The following ASTN2 variants were observed in gnomAD, a reference collection of about 807,000 sequenced individuals.
ASTN2 encodes astrotactin 2, also known as astrotactin-2.
Under a neutral mutation model 139.8 loss-of-function variants are expected in ASTN2, and 54 were observed. The ratio of observed to expected loss-of-function variants is 0.39; its 90% confidence interval spans 0.31 to 0.48. ASTN2 has a LOEUF of 0.48. ASTN2 is among the 20% of genes least tolerant of loss of function. The pLI is 0.95. For synonymous variants in ASTN2, 756 were observed against 719.5 expected (o/e 1.05, Z -0.81); for missense variants, 1,565 against 1,725.1 (o/e 0.91, Z 1.64).
In ASTN2 at chr9:116,424,204, A is replaced by C. The variant is rs10983149; in HGVS notation, c.*1647T>G. 0.2 allele frequency among the ~76,000 whole-genome samples: 30,798 copies of C among 152,088 alleles called. 3,186 individuals carry two copies. Among genetic ancestry groups the C allele is most frequent in the Middle Eastern group, 0.26 (77 of 294 alleles). ...TAAAAGGATATTTCAATGATACCTC[A>C]ATAAAGCTGTTTTAAAAATAGATAA... is the stretch of plus-strand genomic sequence containing the variant. On this transcript the variant is annotated 3_prime_UTR_variant, in exon 23 of 23. Coordinates refer to ENST00000313400, the MANE Select transcript of ASTN2 (RefSeq NM_001365068.1).
In ASTN2 at chr9:117,348,031, C is replaced by G. The variant is rs1037568851; in HGVS notation, c.443-56518G>C. Among the ~76,000 whole-genome samples, 8 of 152,152 alleles carry G rather than the reference C, an allele frequency of 5.3e-5. 1 individual carries two copies. The highest frequency in any genetic ancestry group is 6.5e-5 in the Admixed American group (1 of 15,272). ...AAGAAGATTACACTTAACTTACATT[C>G]TCATTATTTTTAATATTTGCAACCA... is the stretch of plus-strand genomic sequence containing the variant. On this transcript the variant is annotated intron_variant, in intron 1 of 22. Transcript: ENST00000313400.
At chr9:116,948,785 G>GTTTTTTTTTTTTGTTT (rs1835471789) in intron 10 of ASTN2, among the ~76,000 whole-genome samples, 1 of 49,472 alleles carries the variant, frequency 2.0e-5, no homozygotes, top group Admixed American at 3.8e-4. Context: ...ATAATTTGGT[G>GTTTTTTTTTTTTGTTT]TTTTTTTTTT....
chr9:116,541,498 C>G (rs1436099448), intron 19 of ASTN2, among the ~76,000 whole-genome samples: 2 of 152,172 alleles, frequency 1.3e-5, no homozygotes, highest in African/African-American at 4.8e-5. Context: ...TTGCTTTAAT[C>G]ATAGTTAATT....
At chr9:116,589,907 T>C (rs1277120206) in intron 19 of ASTN2, among the ~76,000 whole-genome samples, 3 of 152,178 alleles carry the variant, frequency 2.0e-5, no homozygotes, top group African/African-American at 7.2e-5. Context: ...ATCAGAACCT[T>C]CCACCCATTT....
At chr9:117,395,422 C>G (rs1238444341) in intron 1 of ASTN2, among the ~76,000 whole-genome samples, 1 of 152,138 alleles carries the variant, frequency 6.6e-6, no homozygotes, top group Non-Finnish European at 1.5e-5. Context: ...CGAGACATCC[C>G]CAAAATAGGT....
At chr9:116,569,863 A>T (rs1853422281) in intron 19 of ASTN2, among the ~76,000 whole-genome samples, 1 of 152,204 alleles carries the variant, frequency 6.6e-6, no homozygotes, top group African/African-American at 2.4e-5. Flanking sequence ...TGGGGAAATG[A>T]CCAGCAAGTT....
chr9:117,294,975 A>T (rs1834692828), intron 1 of ASTN2, among the ~76,000 whole-genome samples: 1 of 152,180 alleles, frequency 6.6e-6, no homozygotes, highest in South Asian at 2.1e-4. Flanking sequence ...CTTCACACAC[A>T]TCCAACCTTT....
intron 13 of ASTN2, among the ~76,000 whole-genome samples, chr9:116,776,251 A>G (rs1830086539): frequency 6.6e-6 from 1 of 152,210 alleles, no homozygotes. Flanking sequence ...TTGTAAAGGA[A>G]GGGTTTTAGG....
At chr9:116,718,799 C>A (rs1017723357) in intron 16 of ASTN2, among the ~76,000 whole-genome samples, 1 of 151,790 alleles carries the variant, frequency 6.6e-6, no homozygotes, top group Non-Finnish European at 1.5e-5. Flanking sequence ...CATTGGCTCT[C>A]CCACTTCTCA....
At chr9:117,175,806 TA>T (rs1830901666) in intron 3 of ASTN2, among the ~76,000 whole-genome samples, 1 of 152,040 alleles carries the variant, frequency 6.6e-6, no homozygotes, top group Non-Finnish European at 1.5e-5. Flanking sequence ...ACTAGGATAG[TA>T]AAAAATTCTA....
At chr9:117,016,713 T>TTA (rs1169168304) in intron 6 of ASTN2, among the ~76,000 whole-genome samples, 5 of 141,692 alleles carry the variant, frequency 3.5e-5, no homozygotes, top group East Asian at 2.0e-4. Context: ...TATATATAGG[T>TTA]TATATATATA....
intron 7 of ASTN2, among the ~76,000 whole-genome samples, chr9:116,994,018 G>A (rs1224411406): frequency 6.6e-6 from 1 of 151,488 alleles, no homozygotes; most frequent in Non-Finnish European, 1.5e-5. Flanking sequence ...GTTAAATTGG[G>A]TGCTTGATAA....
At chr9:117,171,145 A>G (rs1015662898) in intron 3 of ASTN2, among the ~76,000 whole-genome samples, 2 of 144,084 alleles carry the variant, frequency 1.4e-5, no homozygotes, top group African/African-American at 5.1e-5. Context: ...AAAACTAGAA[A>G]CAAACAAAGG....
chr9:116,712,779 G>A (rs755336105), intron 16 of ASTN2, among the ~76,000 whole-genome samples: 3 of 152,202 alleles, frequency 2.0e-5, no homozygotes, highest in Non-Finnish European at 4.4e-5. Flanking sequence ...CATTGGAAGA[G>A]AAGGCTCAAA....
chr9:116,814,126 G>T (rs1393690462), intron 12 of ASTN2, among the ~76,000 whole-genome samples: 1 of 151,744 alleles, frequency 6.6e-6, no homozygotes, highest in Non-Finnish European at 1.5e-5. Context: ...TTGGACCAAC[G>T]TTAGGAATAA....
At chr9:116,632,204 GA>G (rs67808933) in intron 17 of ASTN2, among the ~76,000 whole-genome samples, 19,345 of 52,446 alleles carry the variant, frequency 0.37, 4,431 homozygotes, top group Admixed American at 0.43. Flanking sequence ...GAGAAAGAAA[GA>G]AAAGAAAGAA....
At chr9:117,402,915 G>A (rs1330299481) in intron 1 of ASTN2, among the ~76,000 whole-genome samples, 1 of 152,042 alleles carries the variant, frequency 6.6e-6, no homozygotes, top group Non-Finnish European at 1.5e-5. Flanking sequence ...TCTAGGAGCT[G>A]GCCAGGTGAA....
At chr9:116,716,978 T>C (rs1588235398) in intron 16 of ASTN2, among the ~76,000 whole-genome samples, 1 of 152,238 alleles carries the variant, frequency 6.6e-6, no homozygotes, top group African/African-American at 2.4e-5. Flanking sequence ...GCTGCTGTGG[T>C]ATGACTGAAC....
At chr9:116,494,262 C>T (rs1333083422) in intron 19 of ASTN2, among the ~76,000 whole-genome samples, 1 of 152,104 alleles carries the variant, frequency 6.6e-6, no homozygotes, top group Non-Finnish European at 1.5e-5. Context: ...GATGATTAAA[C>T]TCTCAGAGAC....
Sources: allele counts gnomAD v4.1 joint callset (sites outside exome capture counted in the v4.1 genomes callset), GRCh38; gene constraint gnomAD v4.1.1; transcripts MANE v1.5; gene names NCBI Gene and HGNC (gene_info 2026-07-23, HGNC 2026-07-21).